SHROOM2: variants seen among roughly 807,000 people sequenced by gnomAD.
The protein encoded by SHROOM2 is shroom family member 2.
A neutral mutation model predicts 75.9 loss-of-function variants in SHROOM2; 33 were observed. The observed-to-expected ratio is 0.43, with a 90% CI of 0.33 to 0.58. The LOEUF is 0.58. SHROOM2 is among the 20% of genes least tolerant of loss of function. SHROOM2 has a pLI of 0.04. For synonymous variants in SHROOM2, 655 were observed against 663.6 expected, an observed-to-expected ratio of 0.99 and a Z score of 0.20; for missense variants, 1,434 against 1,461.2, an observed-to-expected ratio of 0.98 and a Z score of 0.30.
intron 2 of SHROOM2, among the ~76,000 whole-genome samples, chrX:9,885,741 G>A (rs1483117684): frequency 1.8e-5 from 2 of 110,655 alleles, no homozygotes; most frequent in African/African-American, 6.6e-5. Context: ...GATTTCTTGA[G>A]CCCAGGAGTG....
At chrX:9,892,049 C>G (rs1223044001) in intron 3 of SHROOM2, among the ~76,000 whole-genome samples, 1 of 109,344 alleles carries the variant, frequency 9.1e-6, no homozygotes, top group African/African-American at 3.3e-5. Context: ...TGTTTGAGTT[C>G]AAGACCACCC....
intron 1 of SHROOM2, among the ~76,000 whole-genome samples, chrX:9,832,448 G>T (rs766065773): frequency 2.7e-5 from 3 of 112,098 alleles, no homozygotes; most frequent in Admixed American, 9.4e-5. Flanking sequence ...ATGCTGTCCC[G>T]TGGCCATCTC....
intron 5 of SHROOM2, among the ~76,000 whole-genome samples, chrX:9,908,564 G>T (rs113483927): frequency 1.8e-5 from 2 of 111,242 alleles, no homozygotes; most frequent in African/African-American, 6.6e-5. Flanking sequence ...ATTATGCCTC[G>T]CTCTAAGAAA....
chrX:9,852,754 G>T (rs1026670955), intron 1 of SHROOM2, among the ~76,000 whole-genome samples: 3 of 112,729 alleles, frequency 2.7e-5, no homozygotes, highest in African/African-American at 9.7e-5. Context: ...TGGCAGAATT[G>T]TAAAGCTAGA....
chrX:9,925,093 G>A (rs1348287980), intron 5 of SHROOM2, among the ~76,000 whole-genome samples: 1 of 111,701 alleles, frequency 9.0e-6, no homozygotes, highest in African/African-American at 3.3e-5. Flanking sequence ...GGGCTCCATC[G>A]CCTTCCCCAC....
intron 2 of SHROOM2, among the ~76,000 whole-genome samples, chrX:9,887,075 C>T (rs1032046717): frequency 8.9e-6 from 1 of 112,376 alleles, no homozygotes; most frequent in Non-Finnish European, 1.9e-5. Context: ...GTGGTCACTG[C>T]CTTATTCATT....
chrX:9,941,815 C>CA (rs1330869306), intron 8 of SHROOM2, among the ~76,000 whole-genome samples: 2 of 107,766 alleles, frequency 1.9e-5, no homozygotes, highest in Non-Finnish European at 3.9e-5. Flanking sequence ...ACTAAAAATA[C>CA]AAAAAATTAG....
intron 9 of SHROOM2, among the ~76,000 whole-genome samples, chrX:9,945,281 G>T (rs1409996161): frequency 9.1e-6 from 1 of 110,009 alleles, no homozygotes; most frequent in Non-Finnish European, 1.9e-5. Flanking sequence ...GCTAATTTTT[G>T]TATTTTTTTG....
At chrX:9,917,860 T>C (rs1200063286) in intron 5 of SHROOM2, among the ~76,000 whole-genome samples, 1 of 111,928 alleles carries the variant, frequency 8.9e-6, no homozygotes, top group African/African-American at 3.2e-5. Context: ...TGGAAAAACT[T>C]AGTGACCTCA....
intron 5 of SHROOM2, among the ~76,000 whole-genome samples, chrX:9,927,593 T>C (rs1012486216): frequency 9.0e-6 from 1 of 111,588 alleles, no homozygotes; most frequent in Admixed American, 9.6e-5. Context: ...AACCATGGTG[T>C]CTTGAAAAAA....
chrX:9,823,549 G>A (rs1322857349), intron 1 of SHROOM2, among the ~76,000 whole-genome samples: 2 of 110,703 alleles, frequency 1.8e-5, no homozygotes, highest in East Asian at 5.7e-4. Context: ...ACCATAAATA[G>A]ATCTTATTTT....
At chrX:9,862,046 C>T (rs1300870100) in intron 1 of SHROOM2, among the ~76,000 whole-genome samples, 1 of 112,020 alleles carries the variant, frequency 8.9e-6, no homozygotes, top group Admixed American at 9.5e-5. Flanking sequence ...CCCGTGCTTA[C>T]GGCTTTTCTG....
At position 9,895,698 on chromosome X, in the gene SHROOM2, G is replaced by A. The variant is rs997135793; in HGVS notation, c.1790G>A (p.Arg597Gln). The A allele has an allele frequency of 1.2e-5, 14 of 1,185,270 alleles. No individual in the cohort carries two copies. In the East Asian group the frequency reaches 2.5e-4, roughly 21 times the overall value. Residue 597 changes from arginine to glutamine, a missense_variant, in exon 4 of 10, where the codon CGG (arginine) becomes CAG (glutamine). Arg to Gln is a conservative substitution (Grantham distance 43, BLOSUM62 1). Around this residue, in one of 3 missense-constraint regions of SHROOM2, gnomAD observed 1,340 missense variants for 1,338.3 expected, o/e 1.00. Transcript: ENST00000380913. ...LHSLTQEGKR[R>Q]PESSPEDSAT... Reference sequence around the variant, plus strand: ...TCCCTGACCCAGGAGGGGAAGCGCCGGCCTGAGAGCAGTCCAGAGGACAGC... The same window carrying A: ...TCCCTGACCCAGGAGGGGAAGCGCCAGCCTGAGAGCAGTCCAGAGGACAGC...
Position 9,873,693 on chromosome X carries a change from G to A in SHROOM2, c.207G>A (p.Leu69=). ...AAGCCGCGGCGGTCGACAAGTTACT[G>A]GCTGGAGATGAGATCGTCGGCATCA... is the stretch of plus-strand genomic sequence containing the variant. ...GSKAAAVDKL[L]AGDEIVGIND... Residue 69 remains leucine (L), a synonymous_variant, in exon 2 of 10, where the codon CTG becomes CTA. Coordinates refer to ENST00000380913, the MANE Select transcript of SHROOM2 (RefSeq NM_001649.4). 8.3e-7 allele frequency: 1 copy of A among 1,211,541 alleles called. No homozygotes were observed. Among genetic ancestry groups the A allele is most frequent in the Non-Finnish European group, 1.1e-6 (1 of 895,268 alleles).
In SHROOM2 at chrX:9,936,544, G is replaced by A. The variant is rs146188285; in HGVS notation, c.3588-590G>A. ...AACGCTAGCTTGAAGCACAGCGGGC[G>A]GGGGGTACAAGGACAGTGTTGGGTG... On this transcript the variant is annotated intron_variant, in intron 6 of 9. Coordinates refer to ENST00000380913, the MANE Select transcript of SHROOM2 (RefSeq NM_001649.4). Among the ~76,000 whole-genome samples, 771 of 112,175 alleles carry A rather than the reference G, an allele frequency of 6.9e-3. 7 individuals are homozygous for A. The highest frequency in any genetic ancestry group is 0.022 in the African/African-American group (678 of 30,862).
At chrX:9,914,729 T>C (rs749357997) in intron 5 of SHROOM2, among the ~76,000 whole-genome samples, 7 of 112,071 alleles carry the variant, frequency 6.2e-5, no homozygotes, top group Non-Finnish European at 1.1e-4. Flanking sequence ...GCGGTTACCA[T>C]CTTGATTTTA....
At position 9,914,961 on chromosome X, in the gene SHROOM2, G is replaced by C. The variant is rs1156372091; in HGVS notation, c.2891+16671G>C. The stretch of plus-strand genomic sequence containing the variant: ...CAGTTTGCTGCCAGTGCAGTGAGAA[G>C]GAATTTCAGTTTGGACTTCTGGGAG... On this transcript the variant is annotated intron_variant, in intron 5 of 9. Transcript: ENST00000380913. Among the ~76,000 whole-genome samples, 3 of 111,463 alleles carry C rather than the reference G, an allele frequency of 2.7e-5. No individual in the cohort carries two copies. The Admixed American group carries it at 2.9e-4, about 11-fold the overall frequency.
intron 5 of SHROOM2, among the ~76,000 whole-genome samples, chrX:9,927,335 G>A (rs1015405018): frequency 1.2e-4 from 8 of 69,273 alleles, no homozygotes; most frequent in African/African-American, 4.0e-4. Flanking sequence ...GGGCAAAACA[G>A]CAAGACCCTA....
chrX:9,878,167 A>G (rs959760984), intron 2 of SHROOM2, among the ~76,000 whole-genome samples: 1 of 111,853 alleles, frequency 8.9e-6, no homozygotes, highest in East Asian at 2.8e-4. Context: ...GCATTATAAT[A>G]TTAGTTTTGT....
Sources: gnomAD v4.1 joint callset for allele counts (sites outside exome capture counted in the v4.1 genomes callset) on GRCh38, gnomAD v4.1.1 for gene constraint, gnomAD v4.1.1 regional missense constraint, MANE v1.5 for transcripts, NCBI Gene and HGNC (gene_info 2026-07-23, HGNC 2026-07-21) for gene names.